ANPEP: variants seen among roughly 807,000 people sequenced by gnomAD.
The protein encoded by ANPEP is alanyl aminopeptidase, membrane.
Under a neutral mutation model 114.6 loss-of-function variants are expected in ANPEP, and 70 were observed. The observed-to-expected ratio is 0.61, with a 90% CI of 0.50 to 0.75. ANPEP has a LOEUF of 0.75. Ranked by LOEUF, ANPEP falls within the 30% of genes least tolerant of loss-of-function variation. ANPEP has a pLI of 0.00. For synonymous variants in ANPEP, 548 were observed against 522.3 expected, an observed-to-expected ratio of 1.05 and a Z score of -0.67; for missense variants, 1,184 against 1,259.5, an observed-to-expected ratio of 0.94 and a Z score of 0.91.
intron 15 of ANPEP, among the ~76,000 whole-genome samples, chr15:89,796,484 CTTT>C: frequency 6.7e-6 from 1 of 148,952 alleles, no homozygotes; most frequent in Non-Finnish European, 1.5e-5. Context: ...GATAATTGAA[CTTT>C]TTTTTTTTCT....
At position 89,799,577 on chromosome 15, in the gene ANPEP, A is replaced by G. The variant is rs1018143105; in HGVS notation, c.1820-18T>C. The G allele has an allele frequency of 6.2e-7, 1 of 1,614,080 alleles. No individual in the cohort carries two copies. Among genetic ancestry groups the G allele is most frequent in the South Asian group, 1.1e-5 (1 of 91,086 alleles). On this transcript the variant is annotated intron_variant, in intron 12 of 20. Transcript: ENST00000300060. This position sits in a 1 kb window ranked among gnomAD's most constrained non-coding sequence, Gnocchi z 4.2. ...GTTCTGGGCTGTGGAGAGGGACGAG[A>G]CCTGGGCAGGGCTGCTCAGAGGCCA... is the stretch of plus-strand genomic sequence containing the variant.
chr15:89,794,806 G>A (rs560692206), intron 15 of ANPEP, among the ~76,000 whole-genome samples: 5 of 152,282 alleles, frequency 3.3e-5, no homozygotes, highest in Admixed American at 2.0e-4. Flanking sequence ...CCTAGAATGG[G>A]AGTACTACCA....
In ANPEP at chr15:89,806,388, C is replaced by T; in HGVS notation, c.196G>A (p.Asp66Asn). ...TTNPASATTL[D>N]QSKAWNRYRL... Reference sequence around the variant, plus strand: ...TAACGATTCCACGCTTTACTTTGGTCCAAGGTGGTGGCCGAGGCGGGGTTG... The same window carrying T: ...TAACGATTCCACGCTTTACTTTGGTTCAAGGTGGTGGCCGAGGCGGGGTTG... Residue 66 changes from aspartate to asparagine, a missense_variant, in exon 2 of 21, where the codon GAC (aspartate) becomes AAC (asparagine). Transcript: ENST00000300060. This position sits in a 1 kb window ranked among gnomAD's most constrained non-coding sequence, Gnocchi z 5.7. The T allele has an allele frequency of 6.2e-7, 1 of 1,613,978 alleles. No individual in the cohort carries two copies. The highest frequency in any genetic ancestry group is 1.3e-5 in the African/African-American group (1 of 74,988).
intron 20 of ANPEP, among the ~76,000 whole-genome samples, chr15:89,789,304 GACAA>G (rs1968570156): frequency 6.6e-6 from 1 of 151,986 alleles, no homozygotes; most frequent in Non-Finnish European, 1.5e-5. Context: ...TTTTAAAAAA[GACAA>G]ACTAACTTAA....
intron 14 of ANPEP, among the ~76,000 whole-genome samples, chr15:89,798,296 G>T (rs1174120898): frequency 2.6e-5 from 4 of 152,148 alleles, no homozygotes; most frequent in African/African-American, 7.2e-5. Flanking sequence ...GTCCAGCCCA[G>T]ATTTTTGGCA....
At position 89,799,607 on chromosome 15, in the gene ANPEP, C is replaced by G. The variant is rs1197562666; in HGVS notation, c.1820-48G>C. On this transcript the variant is annotated intron_variant, in intron 12 of 20. Transcript: ENST00000300060. The surrounding 1 kb of genome is among the most constrained non-coding windows in gnomAD (Gnocchi z 4.2). ...GGCAGGGCTGCTCAGAGGCCATGGGCTGACCCCTGGACCTCTTGCAAGAGC... is the reference window on the plus strand; with the variant it reads ...GGCAGGGCTGCTCAGAGGCCATGGGGTGACCCCTGGACCTCTTGCAAGAGC... The G allele has an allele frequency of 1.2e-5, 20 of 1,612,830 alleles. No individual in the cohort carries two copies. The highest frequency in any genetic ancestry group is 1.7e-5 in the Non-Finnish European group (20 of 1,179,394).
At chr15:89,787,040 C>CTTTTTTTTTTTTTTTTTTTTTTTTTTT (rs1015822999) in intron 20 of ANPEP, among the ~76,000 whole-genome samples, 1 of 91,042 alleles carries the variant, frequency 1.1e-5, no homozygotes, top group Non-Finnish European at 2.1e-5. Flanking sequence ...TAATAAAACT[C>CTTTTTTTTTTTTTTTTTTTTTTTTTTT]TTTTTTTTTT....
At chr15:89,792,684 C>G (rs1377759678) in intron 16 of ANPEP, 122 bp from the exon 17 acceptor site, 2 of 824,006 alleles carry the variant, frequency 2.4e-6, no homozygotes, top group South Asian at 1.6e-5. Flanking sequence ...GCCCTCTGAC[C>G]CCCGCTGTAT....
At chr15:89,802,896 G>A (rs1257788361) in intron 10 of ANPEP, among the ~76,000 whole-genome samples, 1 of 152,074 alleles carries the variant, frequency 6.6e-6, no homozygotes, top group Admixed American at 6.5e-5. Flanking sequence ...CCAGGAGTGG[G>A]GAGAAGGTTG....
At chr15:89,804,765 G>A in intron 4 of ANPEP, 148 bp from the exon 5 acceptor site, 1 of 1,170,044 alleles carries the variant, frequency 8.5e-7, no homozygotes, top group Non-Finnish European at 1.2e-6. Flanking sequence ...CTGGTCAGCA[G>A]AGGGGAACGC....
chr15:89,785,161 G>T lies in ANPEP; in HGVS notation c.*188C>A. 1 of 737,792 alleles carries T rather than the reference G, an allele frequency of 1.4e-6. No individual in the cohort carries two copies. The highest frequency in any genetic ancestry group is 2.2e-6 in the Non-Finnish European group (1 of 464,066). The allele number at this position is 737,792 out of a possible 1,614,324, so 45.7% of individuals were successfully genotyped here. A position where few individuals can be genotyped will look rare whatever the true frequency, so the allele number is the denominator to read the frequency against. ...GCATGAGGGGCAGGGGCTGGGAGGT[G>T]CTCAGGCAGCCTGGGTCATCAGGAA... On this transcript the variant is annotated 3_prime_UTR_variant, in exon 21 of 21. Coordinates refer to ENST00000300060, the MANE Select transcript of ANPEP (RefSeq NM_001150.3).
rs1555442976 is a variant in ANPEP at position 89,814,001 on chromosome 15, G to GC, written c.-224+770_-224+771insG. Among the ~76,000 whole-genome samples, 622 of 151,610 alleles carry GC rather than the reference G, an allele frequency of 4.1e-3. 33 individuals are homozygous for GC. The highest frequency in any genetic ancestry group is 0.015 in the African/African-American group (596 of 41,042). ...TGCCCACCGCACTGCTGGGGGGGGG[G>GC]GGTGCGTTCTGGAGTCATTTGGGGA... On this transcript the variant is annotated intron_variant, in intron 1 of 20. Transcript: ENST00000300060.
chr15:89,788,182 A>C (rs1043566125), intron 20 of ANPEP, among the ~76,000 whole-genome samples: 3 of 152,254 alleles, frequency 2.0e-5, no homozygotes, highest in African/African-American at 7.2e-5. Context: ...TTTGCACGTG[A>C]AGGTCCATGA....
At chr15:89,810,681 C>A (rs1192755135) in intron 1 of ANPEP, among the ~76,000 whole-genome samples, 1 of 152,242 alleles carries the variant, frequency 6.6e-6, no homozygotes, top group African/African-American at 2.4e-5. Flanking sequence ...GTATGCCCCT[C>A]CATGCCCAGC....
At chr15:89,809,960 C>G (rs1369479488) in intron 1 of ANPEP, among the ~76,000 whole-genome samples, 1 of 152,198 alleles carries the variant, frequency 6.6e-6, no homozygotes, top group African/African-American at 2.4e-5. Context: ...TCCTCTCCCT[C>G]TTGTCAAACT....
chr15:89,794,136 A>G (rs530262589), intron 15 of ANPEP, among the ~76,000 whole-genome samples: 1 of 152,322 alleles, frequency 6.6e-6, no homozygotes, highest in Admixed American at 6.5e-5. Context: ...TGCAATTGAG[A>G]ATCTGCAGAA....
chr15:89,802,964 C>G (rs1392327856), intron 10 of ANPEP, among the ~76,000 whole-genome samples: 1 of 152,038 alleles, frequency 6.6e-6, no homozygotes, highest in Non-Finnish European at 1.5e-5. Context: ...GTTTCCTCAC[C>G]ACCAGGAAGG....
chr15:89,797,434 T>C, intron 15 of ANPEP, 141 bp downstream of exon 15: 2 of 1,225,044 alleles, frequency 1.6e-6, no homozygotes, highest in Non-Finnish European at 2.2e-6. Flanking sequence ...AGGCAATCTT[T>C]CTTTTTTTTT....
At chr15:89,789,810 C>T (rs1968582723) in intron 20 of ANPEP, among the ~76,000 whole-genome samples, 1 of 146,178 alleles carries the variant, frequency 6.8e-6, no homozygotes, top group South Asian at 2.2e-4. Flanking sequence ...GTGGCTCACG[C>T]CTGTAATCCC....
Sources: allele counts gnomAD v4.1 joint callset (sites outside exome capture counted in the v4.1 genomes callset), GRCh38; gene constraint gnomAD v4.1.1; non-coding constraint Gnocchi (gnomAD v3.1); transcripts MANE v1.5; gene names NCBI Gene and HGNC (gene_info 2026-07-23, HGNC 2026-07-21).